Variants in RAB3C observed in about 807,000 individuals in gnomAD.
RAB3C encodes the protein RAB3C, member RAS oncogene family.
RAB3C carries 17 observed loss-of-function variants against 26.4 expected under a neutral mutation model. The ratio of observed to expected loss-of-function variants is 0.64; its 90% CI spans 0.44 to 0.97. The LOEUF (loss-of-function observed/expected upper bound fraction) is 0.97. Ranked by LOEUF, RAB3C falls within the 50% of genes least tolerant of loss-of-function variation. RAB3C has a pLI of 0.00. For synonymous variants in RAB3C, 91 were observed against 95.9 expected (o/e 0.95, Z 0.30); for missense variants, 242 against 281.9 (o/e 0.86, Z 1.01).
chr5:58,654,320 C>A (rs140471316), intron 2 of RAB3C, among the ~76,000 whole-genome samples: 504 of 152,116 alleles, frequency 3.3e-3, no homozygotes, highest in African/African-American at 0.011. Context: ...TGGATTCTTT[C>A]CAAAGAGCTT....
chr5:58,690,165 C>T (rs1195310735), intron 2 of RAB3C, among the ~76,000 whole-genome samples: 1 of 152,096 alleles, frequency 6.6e-6, no homozygotes, highest in Non-Finnish European at 1.5e-5. Flanking sequence ...CAGTTCTTGG[C>T]ATTAGAAATA....
chr5:58,594,538 G>T (rs1415290750), intron 1 of RAB3C, among the ~76,000 whole-genome samples: 4 of 152,112 alleles, frequency 2.6e-5, no homozygotes, highest in Non-Finnish European at 5.9e-5. Context: ...AATTGGTACA[G>T]TTATACAATT....
intron 1 of RAB3C, among the ~76,000 whole-genome samples, chr5:58,584,785 T>C (rs1388301783): frequency 1.8e-4 from 28 of 152,164 alleles, no homozygotes; most frequent in Admixed American, 2.0e-4. Flanking sequence ...TGCACTGATA[T>C]TTTTTCAATC....
chr5:58,741,148 C>G (rs2545788), intron 3 of RAB3C, among the ~76,000 whole-genome samples: 100,733 of 152,048 alleles, frequency 0.66, 33,393 homozygotes, highest in East Asian at 0.76. Flanking sequence ...CAAGATCTGG[C>G]AGTGTTCCAG....
chr5:58,769,566 G>C (rs1328125402), intron 3 of RAB3C, among the ~76,000 whole-genome samples: 1 of 152,076 alleles, frequency 6.6e-6, no homozygotes, highest in Non-Finnish European at 1.5e-5. Context: ...AGCACTGACA[G>C]AGTTTGACTT....
At chr5:58,673,409 G>A (rs1229879024) in intron 2 of RAB3C, among the ~76,000 whole-genome samples, 1 of 151,758 alleles carries the variant, frequency 6.6e-6, no homozygotes, top group East Asian at 1.9e-4. Context: ...GGGGGAAAGT[G>A]GGGAGCGGTT....
intron 4 of RAB3C, among the ~76,000 whole-genome samples, chr5:58,836,018 A>G (rs1344848484): frequency 2.0e-5 from 3 of 152,156 alleles, no homozygotes; most frequent in African/African-American, 4.8e-5. Flanking sequence ...AGAGAAACAA[A>G]TCACACTAAC....
chr5:58,780,442 G>T (rs903484664), intron 3 of RAB3C, among the ~76,000 whole-genome samples: 1 of 152,080 alleles, frequency 6.6e-6, no homozygotes, highest in African/African-American at 2.4e-5. Flanking sequence ...AGCACTCCTT[G>T]GTTACCAATA....
intron 2 of RAB3C, among the ~76,000 whole-genome samples, chr5:58,692,189 G>A: frequency 6.6e-6 from 1 of 152,080 alleles, no homozygotes; most frequent in Non-Finnish European, 1.5e-5. Context: ...TTAAAATATA[G>A]CCACGTCCAT....
chr5:58,793,022 C>G (rs185846824), intron 3 of RAB3C, among the ~76,000 whole-genome samples: 113 of 152,144 alleles, frequency 7.4e-4, no homozygotes, highest in African/African-American at 2.6e-3. Flanking sequence ...TTCTAAAATT[C>G]TGTATGTCCA....
At chr5:58,693,663 C>G (rs900616771) in intron 2 of RAB3C, among the ~76,000 whole-genome samples, 7 of 152,104 alleles carry the variant, frequency 4.6e-5, no homozygotes, top group African/African-American at 7.2e-5. Context: ...ATAAATCGCC[C>G]CACACATTCC....
intron 1 of RAB3C, among the ~76,000 whole-genome samples, chr5:58,597,722 A>T (rs1746352206): frequency 7.7e-6 from 1 of 129,880 alleles, no homozygotes; most frequent in African/African-American, 2.8e-5. Flanking sequence ...ATAGTACATT[A>T]TATATAAGTA....
At chr5:58,614,036 A>T (rs1311280414) in intron 1 of RAB3C, among the ~76,000 whole-genome samples, 3 of 152,100 alleles carry the variant, frequency 2.0e-5, no homozygotes, top group Non-Finnish European at 4.4e-5. Context: ...TGAAAGGGAC[A>T]TGGGATGGGT....
intron 3 of RAB3C, among the ~76,000 whole-genome samples, chr5:58,743,951 T>C (rs761403912): frequency 6.6e-5 from 10 of 152,240 alleles, no homozygotes; most frequent in South Asian, 2.1e-4. Flanking sequence ...AACTATTTTC[T>C]TATGCCCTTA....
chr5:58,719,015 A>T (rs150405057), intron 2 of RAB3C, among the ~76,000 whole-genome samples: 1 of 152,160 alleles, frequency 6.6e-6, no homozygotes, highest in Non-Finnish European at 1.5e-5. Flanking sequence ...AGAAGTATTA[A>T]TGACATTACA....
chr5:58,653,268 G>A (rs1747697192), intron 2 of RAB3C, among the ~76,000 whole-genome samples: 1 of 152,138 alleles, frequency 6.6e-6, no homozygotes, highest in South Asian at 2.1e-4. Flanking sequence ...ACGCCAGTTA[G>A]AATGGTGATC....
At chr5:58,748,208 T>A (rs998444008) in intron 3 of RAB3C, among the ~76,000 whole-genome samples, 28 of 152,074 alleles carry the variant, frequency 1.8e-4, no homozygotes, top group African/African-American at 6.5e-4. Context: ...GATCTATCAA[T>A]CTAGAGAAAA....
At chr5:58,796,698 G>A (rs1022414147) in intron 3 of RAB3C, among the ~76,000 whole-genome samples, 1 of 152,344 alleles carries the variant, frequency 6.6e-6, no homozygotes, top group East Asian at 1.9e-4. Context: ...TCCGGTGAGT[G>A]CAGGAGCTGT....
At position 58,731,680 on chromosome 5, in the gene RAB3C, T is replaced by G. The variant is rs917966899; in HGVS notation, c.371+5560T>G. Among the ~76,000 whole-genome samples the G allele has an allele frequency of 4.6e-5, 7 of 152,300 alleles. No homozygotes were observed. The East Asian group carries it at 1.4e-3, about 29-fold the overall frequency. ...GACCATTGATCTCACAGGAACGTCT[T>G]CAGAGGTGCTTTATGAATAATGCAT... On this transcript the variant is annotated intron_variant, in intron 3 of 4. Transcript: ENST00000282878.
Sources: gnomAD v4.1 joint callset for allele counts (sites outside exome capture counted in the v4.1 genomes callset) on GRCh38, gnomAD v4.1.1 for gene constraint, MANE v1.5 for transcripts, NCBI Gene and HGNC (gene_info 2026-07-23, HGNC 2026-07-21) for gene names.